Variants in BRINP3 observed in about 807,000 individuals in gnomAD.
BRINP3 encodes the protein BMP/retinoic acid-inducible neural-specific protein 3.
BRINP3 carries 19 observed loss-of-function variants against 71.0 expected under a neutral mutation model. That is an observed-to-expected ratio of 0.27 (90% CI 0.19 to 0.39). The LOEUF is 0.39. Among genes scored for constraint, BRINP3 ranks in the 10% least tolerant of loss-of-function variants. BRINP3 has a pLI of 1.00. For synonymous variants in BRINP3, 380 were observed against 337.7 expected (o/e 1.13, Z -1.37); for missense variants, 959 against 940.8 (o/e 1.02, Z -0.25).
At chr1:190,248,147 T>C (rs1193250316) in intron 4 of BRINP3, among the ~76,000 whole-genome samples, 1 of 151,844 alleles carries the variant, frequency 6.6e-6, no homozygotes, top group Non-Finnish European at 1.5e-5. Context: ...ATAATTTTAG[T>C]TATTTTAGTG....
At chr1:190,194,506 T>G (rs1347396065) in intron 6 of BRINP3, among the ~76,000 whole-genome samples, 2 of 152,132 alleles carry the variant, frequency 1.3e-5, no homozygotes, top group Non-Finnish European at 2.9e-5. Context: ...CTTTCTATAT[T>G]GAGATCACTG....
intron 3 of BRINP3, among the ~76,000 whole-genome samples, chr1:190,281,170 G>A (rs1401278808): frequency 6.6e-6 from 1 of 151,910 alleles, no homozygotes; most frequent in Non-Finnish European, 1.5e-5. Context: ...TGCTAACAAT[G>A]TAATTGTAGT....
intron 2 of BRINP3, among the ~76,000 whole-genome samples, chr1:190,352,741 C>T (rs947823408): frequency 2.6e-5 from 4 of 151,842 alleles, no homozygotes; most frequent in African/African-American, 4.8e-5. Flanking sequence ...TCCATGACAT[C>T]CCGCTATACC....
intron 2 of BRINP3, among the ~76,000 whole-genome samples, chr1:190,335,521 ATTG>A (rs1458972810): frequency 1.3e-5 from 2 of 151,838 alleles, no homozygotes; most frequent in Non-Finnish European, 2.9e-5. Flanking sequence ...TAAAGAAAAC[ATTG>A]TTAAGTTTGA....
intron 2 of BRINP3, among the ~76,000 whole-genome samples, chr1:190,414,338 T>G (rs370162371): frequency 1.8e-4 from 25 of 142,728 alleles, no homozygotes; most frequent in South Asian, 6.5e-4. Context: ...AATCACTGTG[T>G]TTTTTTTTTG....
intron 4 of BRINP3, among the ~76,000 whole-genome samples, chr1:190,261,388 C>T (rs1272413064): frequency 1.3e-5 from 2 of 150,972 alleles, no homozygotes; most frequent in East Asian, 3.9e-4. Context: ...AAGAGTATAG[C>T]AATTAATTAA....
At chr1:190,242,876 T>C (rs1302820216) in intron 4 of BRINP3, among the ~76,000 whole-genome samples, 1 of 152,098 alleles carries the variant, frequency 6.6e-6, no homozygotes. Context: ...AACAAAGCAC[T>C]CTATTTAGGA....
rs528665004 is a variant in BRINP3, at chr1:190,449,945, C to T, written c.236+4710G>A. Among the ~76,000 whole-genome samples the T allele has an allele frequency of 2.0e-5, 3 of 151,902 alleles. No individual in the cohort carries two copies. In the East Asian group the frequency reaches 5.8e-4, roughly 29 times the overall value. ...ACTCGTATATTCCCTTCCAGAGTTG[C>T]CAAATGTAGCAAATAAAAATACATG... On this transcript the variant is annotated intron_variant, in intron 2 of 7. Transcript: ENST00000367462.
chr1:190,417,089 T>C (rs1673055656), intron 2 of BRINP3, among the ~76,000 whole-genome samples: 1 of 152,124 alleles, frequency 6.6e-6, no homozygotes, highest in African/African-American at 2.4e-5. Context: ...ACCTCAGAAT[T>C]GTGTAGAATG....
At chr1:190,242,008 A>G (rs1290228113) in intron 4 of BRINP3, among the ~76,000 whole-genome samples, 1 of 151,720 alleles carries the variant, frequency 6.6e-6, no homozygotes, top group Admixed American at 6.6e-5. Flanking sequence ...GTCTTATTTC[A>G]ACATTCTATT....
chr1:190,461,702 A>C (rs570032004), intron 1 of BRINP3, among the ~76,000 whole-genome samples: 15 of 152,314 alleles, frequency 9.8e-5, no homozygotes, highest in African/African-American at 3.1e-4. Context: ...ATGGCTGGCA[A>C]GACCATATAA....
intron 7 of BRINP3, among the ~76,000 whole-genome samples, chr1:190,137,906 A>G (rs1655107955): frequency 6.6e-6 from 1 of 152,098 alleles, no homozygotes; most frequent in Non-Finnish European, 1.5e-5. Flanking sequence ...CATTCTACAA[A>G]TGATGCAACC....
At chr1:190,266,905 A>C (rs1252354931) in intron 3 of BRINP3, among the ~76,000 whole-genome samples, 1 of 152,222 alleles carries the variant, frequency 6.6e-6, no homozygotes, top group African/African-American at 2.4e-5. Context: ...TAGATTAAAA[A>C]TAAAGCTAAG....
chr1:190,191,538 G>A (rs1654035012), intron 6 of BRINP3, among the ~76,000 whole-genome samples: 1 of 152,048 alleles, frequency 6.6e-6, no homozygotes, highest in African/African-American at 2.4e-5. Flanking sequence ...AGTTTGCTGA[G>A]GATGATGGCC....
In BRINP3 at chr1:190,099,118, G is replaced by T. The variant is rs1281342247; in HGVS notation, c.1201C>A (p.Leu401Ile). The T allele has an allele frequency of 6.2e-7, 1 of 1,613,402 alleles. No individual in the cohort carries two copies. Among genetic ancestry groups the T allele is most frequent in the Non-Finnish European group, 8.5e-7 (1 of 1,179,530 alleles). The change falls in exon 8 of 8, where the codon CTT (leucine) becomes ATT (isoleucine). Residue 401 changes from leucine (L) to isoleucine (I), a missense_variant. By Grantham distance (5) the Leu-to-Ile change is conservative. Coordinates refer to ENST00000367462, the MANE Select transcript of BRINP3 (RefSeq NM_199051.3). ...LPRQRTSTYWLTRIQSFLYCN... is the reference protein window; with the variant it reads ...LPRQRTSTYWITRIQSFLYCN... ...TAGAGAAAAGACTGGATGCGAGTAA[G>T]CCAGTAGGTTGAGGTTCTAGAAATA...
intron 6 of BRINP3, among the ~76,000 whole-genome samples, chr1:190,219,628 A>C (rs2102679759): frequency 6.6e-6 from 1 of 152,046 alleles, no homozygotes; most frequent in East Asian, 1.9e-4. Context: ...TCACGAGGTC[A>C]AGAGATCGAG....
chr1:190,419,980 G>A (rs1156753246), intron 2 of BRINP3, among the ~76,000 whole-genome samples: 4 of 151,916 alleles, frequency 2.6e-5, no homozygotes, highest in Non-Finnish European at 5.9e-5. Flanking sequence ...GGTATAATAT[G>A]TTTGCAAGCA....
chr1:190,470,486 A>G (rs1677064029), intron 1 of BRINP3, among the ~76,000 whole-genome samples: 1 of 151,126 alleles, frequency 6.6e-6, no homozygotes, highest in South Asian at 2.1e-4. Context: ...GGGTGCTTTT[A>G]AAGGCAACCA....
rs1661529422 is a variant in BRINP3 at position 190,265,002 on chromosome 1, C to T, written c.481G>A (p.Glu161Lys). 5 of 1,611,476 alleles carry T rather than the reference C, an allele frequency of 3.1e-6. No homozygotes were observed. In the South Asian group the frequency reaches 4.4e-5, roughly 14 times the overall value. Residue 161 changes from glutamate to lysine, a missense_variant, in exon 4 of 8, where the codon GAA becomes AAA. Transcript: ENST00000367462. ...VDKRKLSKRA[E>K]GSDSTTNSSS... ...CTATTGGTGGTGGAATCACTTCCTT[C>T]AGCTCGTTTGCTCAACTTCCGCTTG...
Sources: allele counts gnomAD v4.1 joint callset (sites outside exome capture counted in the v4.1 genomes callset), GRCh38; gene constraint gnomAD v4.1.1; transcripts MANE v1.5; gene names NCBI Gene and HGNC (gene_info 2026-07-23, HGNC 2026-07-21).